The following PRRC1 variants were observed in gnomAD, a reference collection of about 807,000 sequenced individuals.
PRRC1 encodes the protein protein PRRC1.
Under a neutral mutation model 40.7 loss-of-function variants are expected in PRRC1, and 39 were observed. The ratio of observed to expected loss-of-function variants is 0.96; its 90% confidence interval spans 0.74 to 1.25. The LOEUF is 1.25. Among genes scored for constraint, PRRC1 ranks in the 50% most tolerant of loss-of-function variants. PRRC1 has a pLI of 0.00. For missense variants in PRRC1, 573 were observed against 548.3 expected, an observed-to-expected ratio of 1.05 and a Z score of -0.45; for synonymous variants, 175 against 193.3, an observed-to-expected ratio of 0.91 and a Z score of 0.79.
intron 6 of PRRC1, among the ~76,000 whole-genome samples, chr5:127,537,514 A>G (rs1013255722): frequency 1.6e-4 from 24 of 152,046 alleles, no homozygotes; most frequent in African/African-American, 5.8e-4. Flanking sequence ...CTAGCTTATT[A>G]TCCTGTTTCT....
chr5:127,532,706 T>C (rs1767806745), intron 5 of PRRC1, among the ~76,000 whole-genome samples: 1 of 152,212 alleles, frequency 6.6e-6, no homozygotes, highest in African/African-American at 2.4e-5. Flanking sequence ...AAGGGATCCA[T>C]TATTTTTAAA....
chr5:127,528,631 A>AT (rs368317771), intron 4 of PRRC1, among the ~76,000 whole-genome samples: 15 of 149,698 alleles, frequency 1.0e-4, no homozygotes, highest in African/African-American at 2.0e-4. Context: ...TTTTCTTTAC[A>AT]TTTTTTTTTA....
rs1356613808 is a variant in PRRC1, at chr5:127,554,016, A to G, written c.*2100A>G. 1 of 1,020,358 alleles carries G rather than the reference A, an allele frequency of 9.8e-7. No individual in the cohort carries two copies. The highest frequency in any genetic ancestry group is 3.0e-5 in the Admixed American group (1 of 33,426). The allele number at this position is 1,020,358 out of a possible 1,614,324, so 63.2% of individuals were successfully genotyped here. Reference sequence around the variant, plus strand: ...CAGAGTTTTTGAAAAGCAGCGGAGCATGACTGACTTCACATGCTCAGCTTT... The same window carrying G: ...CAGAGTTTTTGAAAAGCAGCGGAGCGTGACTGACTTCACATGCTCAGCTTT... On this transcript the variant is annotated 3_prime_UTR_variant, in exon 9 of 9. Transcript: ENST00000296666.
In PRRC1 at chr5:127,553,653, A is replaced by G. The variant is rs1768449782; in HGVS notation, c.*1737A>G. The G allele has an allele frequency of 7.6e-6, 11 of 1,438,150 alleles. No individual in the cohort carries two copies. Among genetic ancestry groups the G allele is most frequent in the Non-Finnish European group, 1.0e-5 (11 of 1,099,980 alleles). 89.1% of individuals were successfully genotyped at this position (1,438,150 alleles called of 1,614,324 possible). On this transcript the variant is annotated 3_prime_UTR_variant, in exon 9 of 9. Transcript: ENST00000296666. The stretch of plus-strand genomic sequence containing the variant: ...TGTCCTTACTTAAAATAGTTCTGCT[A>G]CTTTCCCTCCTATTATAAGGAAATC...
intron 4 of PRRC1, among the ~76,000 whole-genome samples, chr5:127,529,275 G>A (rs1464166602): frequency 2.0e-5 from 3 of 151,812 alleles, no homozygotes; most frequent in Non-Finnish European, 4.4e-5. Context: ...TGGCTGATTT[G>A]TAGTATTTGA....
At chr5:127,519,006 A>T (rs1767389769) in intron 1 of PRRC1, among the ~76,000 whole-genome samples, 1 of 152,182 alleles carries the variant, frequency 6.6e-6, no homozygotes, top group Admixed American at 6.5e-5. Flanking sequence ...GGCAGTTTTC[A>T]TATAAAAAGC....
intron 8 of PRRC1, chr5:127,550,240 T>G (rs1768341159): frequency 6.6e-6 from 1 of 152,170 alleles, no homozygotes. Context: ...TCATTTGGTT[T>G]TAAAATTTAG....
chr5:127,535,279 G>A (rs369693088), intron 6 of PRRC1, among the ~76,000 whole-genome samples: 3 of 152,200 alleles, frequency 2.0e-5, no homozygotes, highest in South Asian at 2.1e-4. Flanking sequence ...TAACACACTC[G>A]TTTTCTCATT....
chr5:127,533,371 G>A (rs1767822436), intron 5 of PRRC1, among the ~76,000 whole-genome samples: 2 of 152,036 alleles, frequency 1.3e-5, no homozygotes, highest in South Asian at 4.2e-4. Flanking sequence ...CCAGATATGT[G>A]ATTTCTGGCT....
intron 1 of PRRC1, among the ~76,000 whole-genome samples, chr5:127,522,824 G>A (rs112454358): frequency 0.019 from 2,955 of 151,990 alleles, 50 homozygotes; most frequent in Middle Eastern, 0.085. Flanking sequence ...AGGCTGGAGT[G>A]CAGTGGTGCA....
intron 7 of PRRC1, among the ~76,000 whole-genome samples, chr5:127,542,782 T>A (rs1369999013): frequency 2.7e-5 from 4 of 150,682 alleles, no homozygotes; most frequent in Admixed American, 6.6e-5. Flanking sequence ...GCACGTGAGA[T>A]GGGTTTCCTG....
intron 7 of PRRC1, among the ~76,000 whole-genome samples, chr5:127,542,915 T>G (rs540687651): frequency 2.4e-4 from 37 of 152,294 alleles, no homozygotes; most frequent in African/African-American, 8.9e-4. Context: ...GATCCCATCA[T>G]TATGATGTTA....
intron 5 of PRRC1, among the ~76,000 whole-genome samples, chr5:127,533,190 G>A (rs1463042605): frequency 6.6e-6 from 1 of 152,000 alleles, no homozygotes; most frequent in East Asian, 1.9e-4. Flanking sequence ...TTAATAAAAA[G>A]CTTGATGACC....
Position 127,554,094 on chromosome 5 carries a change from C to T in PRRC1, c.*2178C>T. 1 of 539,452 alleles carries T rather than the reference C, an allele frequency of 1.9e-6. No homozygotes were observed. Among genetic ancestry groups the T allele is most frequent in the South Asian group, 2.6e-5 (1 of 37,760 alleles). The allele number at this position is 539,452 out of a possible 1,614,324, so 33.4% of individuals were successfully genotyped here. On this transcript the variant is annotated 3_prime_UTR_variant, in exon 9 of 9. Coordinates refer to ENST00000296666, the MANE Select transcript of PRRC1 (RefSeq NM_130809.5). ...TTAGATTTCCCTGTTGTAAAAGGGG[C>T]AAGAAAAGTAACTCATCATCTCTAA...
intron 7 of PRRC1, among the ~76,000 whole-genome samples, chr5:127,544,661 C>T (rs373231754): frequency 1.2e-4 from 18 of 152,348 alleles, no homozygotes; most frequent in African/African-American, 4.1e-4. Flanking sequence ...AGCGGGACTC[C>T]GTGGGCATAG....
At chr5:127,527,768 A>C (rs1767661608) in intron 4 of PRRC1, among the ~76,000 whole-genome samples, 1 of 151,608 alleles carries the variant, frequency 6.6e-6, no homozygotes, top group South Asian at 2.1e-4. Flanking sequence ...AAAAAAAAAA[A>C]AAAAAAAAAA....
chr5:127,544,686 G>T (rs1472618441), intron 7 of PRRC1, among the ~76,000 whole-genome samples: 4 of 152,252 alleles, frequency 2.6e-5, no homozygotes, highest in Admixed American at 6.5e-5. Context: ...CTCTGAACCA[G>T]GTGCGGGATA....
intron 2 of PRRC1, 186 bp downstream of exon 2, chr5:127,523,768 C>G (rs1361797088): frequency 2.4e-6 from 1 of 414,834 alleles, no homozygotes; most frequent in Non-Finnish European, 4.2e-6. Flanking sequence ...AGTAAGAAAA[C>G]ATCAGTGTTT....
At chr5:127,543,197 G>A (rs1768103143) in intron 7 of PRRC1, among the ~76,000 whole-genome samples, 1 of 152,088 alleles carries the variant, frequency 6.6e-6, no homozygotes, top group South Asian at 2.1e-4. Flanking sequence ...GTTGAATATT[G>A]GCCCCCACTC....
Sources: gnomAD v4.1 joint callset for allele counts (sites outside exome capture counted in the v4.1 genomes callset) on GRCh38, gnomAD v4.1.1 for gene constraint, MANE v1.5 for transcripts, NCBI Gene and HGNC (gene_info 2026-07-23, HGNC 2026-07-21) for gene names.